Variants in NELL1 observed in about 807,000 individuals in gnomAD.
NELL1 encodes neural EGFL like 1.
A neutral mutation model predicts 107.4 loss-of-function variants in NELL1; 76 were observed. The observed-to-expected ratio is 0.71, with a 90% CI of 0.59 to 0.86. The LOEUF is 0.86. Among genes scored for constraint, NELL1 ranks in the 40% least tolerant of loss-of-function variants. NELL1 has a pLI of 0.00. For synonymous variants in NELL1, 353 were observed against 341.2 expected (o/e 1.03, Z -0.38); for missense variants, 1,024 against 1,005.5 (o/e 1.02, Z -0.25).
intron 15 of NELL1, among the ~76,000 whole-genome samples, chr11:21,423,699 T>C (rs1181520988): frequency 6.6e-6 from 1 of 152,202 alleles, no homozygotes; most frequent in African/African-American, 2.4e-5. Context: ...GCAAATGAGA[T>C]ATTCTCTAGG....
At chr11:20,800,660 T>C (rs1325105716) in intron 3 of NELL1, among the ~76,000 whole-genome samples, 1 of 152,148 alleles carries the variant, frequency 6.6e-6, no homozygotes, top group African/African-American at 2.4e-5. Context: ...TTGCCAATAA[T>C]AGCCTCTCCT....
chr11:21,191,031 C>T (rs1248019386), intron 13 of NELL1, among the ~76,000 whole-genome samples: 2 of 151,830 alleles, frequency 1.3e-5, no homozygotes, highest in African/African-American at 2.4e-5. Context: ...TGGAATCAGA[C>T]AAGGCCATGT....
At chr11:21,105,561 AG>A (rs1338319190) in intron 12 of NELL1, among the ~76,000 whole-genome samples, 1 of 152,178 alleles carries the variant, frequency 6.6e-6, no homozygotes, top group African/African-American at 2.4e-5. Context: ...GGGCCCGGAT[AG>A]CCTTTTCCTA....
At chr11:21,406,000 A>AC (rs746532007) in intron 15 of NELL1, among the ~76,000 whole-genome samples, 11 of 152,042 alleles carry the variant, frequency 7.2e-5, no homozygotes, top group Non-Finnish European at 1.5e-4. Context: ...TGAGCCAATA[A>AC]GGTTGTATTG....
intron 14 of NELL1, among the ~76,000 whole-genome samples, chr11:21,307,134 C>A (rs999126918): frequency 6.6e-6 from 1 of 151,910 alleles, no homozygotes; most frequent in East Asian, 1.9e-4. Flanking sequence ...CTGTAATGAG[C>A]CTTGGTGACC....
rs558820634 is a variant in NELL1 at position 21,098,850 on chromosome 11, T to C, written c.1301-14739T>C. 5.3e-5 allele frequency among the ~76,000 whole-genome samples: 8 copies of C among 152,256 alleles called. No individual in the cohort carries two copies. In the South Asian group the frequency reaches 1.7e-3, roughly 32 times the overall value. ...TCTGCCTCTCGTGTATGTGTGTGTT[T>C]GTGTATCCTAAAATTCTAAAATTTG... On this transcript the variant is annotated intron_variant, in intron 12 of 19. Transcript: ENST00000357134.
intron 3 of NELL1, among the ~76,000 whole-genome samples, chr11:20,805,892 T>C (rs1163441439): frequency 6.6e-6 from 1 of 152,214 alleles, no homozygotes; most frequent in African/African-American, 2.4e-5. Flanking sequence ...TTTAACTTCA[T>C]CCTCTCACTT....
chr11:21,500,672 T>C (rs1855115006), intron 15 of NELL1, among the ~76,000 whole-genome samples: 2 of 152,144 alleles, frequency 1.3e-5, no homozygotes, highest in African/African-American at 4.8e-5. Context: ...TTATCCTTAT[T>C]ATTAGCAGTG....
At chr11:21,503,433 A>ATTAAATATC (rs1411004352) in intron 15 of NELL1, among the ~76,000 whole-genome samples, 1 of 152,202 alleles carries the variant, frequency 6.6e-6, no homozygotes, top group Non-Finnish European at 1.5e-5. Flanking sequence ...TCATTAAATA[A>ATTAAATATC]AAGAACCAAG....
chr11:21,459,579 A>C (rs1173206597), intron 15 of NELL1, among the ~76,000 whole-genome samples: 1 of 148,056 alleles, frequency 6.8e-6, no homozygotes, highest in Non-Finnish European at 1.5e-5. Context: ...CCTGGAAGAG[A>C]TTGAGGACTT....
chr11:20,816,352 A>G (rs2134019160), intron 3 of NELL1, among the ~76,000 whole-genome samples: 1 of 152,246 alleles, frequency 6.6e-6, no homozygotes, highest in African/African-American at 2.4e-5. Flanking sequence ...TTGTCCATGT[A>G]GAGATCTTTC....
chr11:21,276,630 C>T (rs1298580032), intron 14 of NELL1, among the ~76,000 whole-genome samples: 11 of 152,258 alleles, frequency 7.2e-5, no homozygotes, highest in African/African-American at 2.6e-4. Flanking sequence ...AGGCATCACA[C>T]TACCTGACTT....
intron 16 of NELL1, among the ~76,000 whole-genome samples, chr11:21,558,828 T>C (rs1856783443): frequency 6.6e-6 from 1 of 152,030 alleles, no homozygotes; most frequent in Non-Finnish European, 1.5e-5. Context: ...AAACTCCTTT[T>C]AGTTGAGAAG....
At chr11:21,112,160 T>C (rs2133726338) in intron 12 of NELL1, among the ~76,000 whole-genome samples, 1 of 152,176 alleles carries the variant, frequency 6.6e-6, no homozygotes, top group African/African-American at 2.4e-5. Flanking sequence ...TTTCTGGTGT[T>C]TTGTTCTTAT....
At chr11:21,529,123 C>T (rs1855932558) in intron 15 of NELL1, among the ~76,000 whole-genome samples, 1 of 152,034 alleles carries the variant, frequency 6.6e-6, no homozygotes, top group South Asian at 2.1e-4. Flanking sequence ...AGTTTCAGGT[C>T]TGTGGAAGGG....
chr11:20,747,287 T>C lies in NELL1; in HGVS notation c.185-36393T>C, dbSNP rs532033411. 2.0e-5 allele frequency among the ~76,000 whole-genome samples: 3 copies of C among 152,350 alleles called. No individual in the cohort carries two copies. In the East Asian group the frequency reaches 5.8e-4, roughly 29 times the overall value. ...TTTTATTAGTGGAAACAGAATGTGC[T>C]GAATCTTTTGAAATATGCATCTAAA... On this transcript the variant is annotated intron_variant, in intron 2 of 19. Transcript: ENST00000357134.
In NELL1 at chr11:21,422,137, G is replaced by T. The variant is rs890931480; in HGVS notation, c.1645+51189G>T. ...TGTGTGTGTGTGTACACACGCACGTGTATGTACACGTGCAAGAGAGAGAGA... is the reference window on the plus strand; with the variant it reads ...TGTGTGTGTGTGTACACACGCACGTTTATGTACACGTGCAAGAGAGAGAGA... On this transcript the variant is annotated intron_variant, in intron 15 of 19. Transcript: ENST00000357134. Among the ~76,000 whole-genome samples the T allele has an allele frequency of 1.7e-3, 259 of 151,648 alleles. 3 individuals carry two copies. The highest frequency in any genetic ancestry group is 7.4e-4 in the Non-Finnish European group (50 of 67,998).
rs1166864908 is a variant in NELL1, at chr11:21,569,550, G to C, written c.1981-1214G>C. ...CTATGACAGTGAAAGGATTATAAAT[G>C]ATGGGGACTGGTCAAGAAGTTAGAG... On this transcript the variant is annotated intron_variant, in intron 17 of 19. Transcript: ENST00000357134. Among the ~76,000 whole-genome samples, 6 of 151,944 alleles carry C rather than the reference G, an allele frequency of 3.9e-5. No individual in the cohort carries two copies. The East Asian group carries it at 1.2e-3, about 30-fold the overall frequency.
At chr11:21,533,841 A>G (rs777673900) in intron 15 of NELL1, among the ~76,000 whole-genome samples, 4 of 152,196 alleles carry the variant, frequency 2.6e-5, no homozygotes, top group Non-Finnish European at 5.9e-5. Flanking sequence ...TATTAGCTAA[A>G]TAAATTTCGG....
Sources: allele counts gnomAD v4.1 joint callset (sites outside exome capture counted in the v4.1 genomes callset), GRCh38; gene constraint gnomAD v4.1.1; transcripts MANE v1.5; gene names NCBI Gene and HGNC (gene_info 2026-07-23, HGNC 2026-07-21).